Variants in RASA4B observed in about 807,000 individuals in gnomAD.
RASA4B encodes the protein ras GTPase-activating protein 4B.
In RASA4B, 2 loss-of-function variants were observed where a neutral mutation model predicts 24.2. The observed-to-expected ratio is 0.08, with a 90% CI of 0.03 to 0.26. RASA4B has a LOEUF of 0.26. RASA4B is among the 10% of genes least tolerant of loss of function. The pLI is 1.00. For missense variants in RASA4B, 8 were observed against 277.2 expected (o/e 0.03, Z 6.90); for synonymous variants, 2 against 125.6 (o/e 0.02, Z 6.58).
chr7:102,506,287 G>A (rs1242803454), intron 5 of RASA4B, among the ~76,000 whole-genome samples: 103 of 152,074 alleles, frequency 6.8e-4, no homozygotes, highest in Non-Finnish European at 9.9e-4. Flanking sequence ...AGTCTCGCTT[G>A]TCACCCAGGC....
intron 8 of RASA4B, among the ~76,000 whole-genome samples, chr7:102,500,449 G>A (rs1230762453): frequency 7.1e-6 from 1 of 140,524 alleles, no homozygotes; most frequent in African/African-American, 2.6e-5. Flanking sequence ...TCCAGCCTGG[G>A]GACAGAGTGA....
At chr7:102,504,695 A>AC (rs1586778952) in intron 5 of RASA4B, among the ~76,000 whole-genome samples, 2 of 103,388 alleles carry the variant, frequency 1.9e-5, no homozygotes, top group East Asian at 4.0e-4. Flanking sequence ...AAAAAAAAAA[A>AC]CCCACCAAAA....
intron 8 of RASA4B, among the ~76,000 whole-genome samples, chr7:102,499,193 A>ATAT (rs796973422): frequency 0.042 from 4,168 of 100,260 alleles, 37 homozygotes; most frequent in South Asian, 0.082. Flanking sequence ...TCAAAAAAAA[A>ATAT]ATATATATAT....
At chr7:102,489,654 G>A (rs1476683669) in intron 17 of RASA4B, among the ~76,000 whole-genome samples, 1,709 of 143,152 alleles carry the variant, frequency 0.012, 38 homozygotes, top group African/African-American at 0.02. Context: ...CACCACACCC[G>A]GCTACTTTTT....
intron 5 of RASA4B, among the ~76,000 whole-genome samples, chr7:102,504,082 G>A (rs372059955): frequency 0.086 from 10,275 of 119,250 alleles, 3 homozygotes; most frequent in Non-Finnish European, 0.13. Context: ...GATTACAGGC[G>A]TGAGCCACCG....
chr7:102,487,381 A>G (rs1403034708), intron 18 of RASA4B, among the ~76,000 whole-genome samples: 2 of 27,388 alleles, frequency 7.3e-5, no homozygotes, highest in African/African-American at 1.4e-4. Flanking sequence ...CTAGAGTACT[A>G]CACAGTATGG....
chr7:102,512,984 T>C (rs1455134789), intron 1 of RASA4B, among the ~76,000 whole-genome samples: 2 of 152,170 alleles, frequency 1.3e-5, no homozygotes, highest in Admixed American at 6.5e-5. Context: ...TGTTCCTCCT[T>C]TCTATGCCCT....
Position 102,480,061 on chromosome 7 carries a change from A to G in RASA4B, c.*3531T>C, listed in dbSNP as rs892148627. On this transcript the variant is annotated 3_prime_UTR_variant, in exon 21 of 21. Coordinates refer to ENST00000465829, the MANE Select transcript of RASA4B (RefSeq NM_001367767.2). ...AGGAAACACCAGGCCATACAGAGAT[A>G]GGAGCTGAGGGGACAATGAGGAGTG... Among the ~76,000 whole-genome samples the G allele has an allele frequency of 1.7e-3, 261 of 152,038 alleles. No individual in the cohort carries two copies. The highest frequency in any genetic ancestry group is 3.4e-3 in the Middle Eastern group (1 of 294).
At position 102,512,673 on chromosome 7, in the gene RASA4B, G is replaced by C. The variant is rs1799726063; in HGVS notation, c.66-692C>G. ...GGGGAGAGAGGGAGGAGAGTAAGAG[G>C]AAGGAGAGTAAGACAGAGGGGGAGA... On this transcript the variant is annotated intron_variant, in intron 1 of 20. Transcript: ENST00000465829. Among the ~76,000 whole-genome samples, 3 of 123,684 alleles carry C rather than the reference G, an allele frequency of 2.4e-5. No homozygotes were observed. The Admixed American group carries it at 2.5e-4, about 10-fold the overall frequency. The allele number at this position is 123,684 out of a possible 152,430, so 81.1% of individuals were successfully genotyped here.
rs1488211834 is a variant in RASA4B, at chr7:102,481,895, G to A, written c.*1697C>T. Among the ~76,000 whole-genome samples, 2 of 61,628 alleles carry A rather than the reference G, an allele frequency of 3.2e-5. No homozygotes were observed. Among genetic ancestry groups the A allele is most frequent in the Admixed American group, 2.0e-4 (1 of 5,044 alleles). The allele number at this position is 61,628 out of a possible 152,430, so 40.4% of individuals were successfully genotyped here. On this transcript the variant is annotated 3_prime_UTR_variant, in exon 21 of 21. Transcript: ENST00000465829. ...AAGGAATGAATGGATGCAGGCAGAC[G>A]TGAAAACAGCGCCCACCTGGAGAGC...
chr7:102,512,692 G>C (rs1254645113), intron 1 of RASA4B, among the ~76,000 whole-genome samples: 1 of 137,344 alleles, frequency 7.3e-6, no homozygotes, highest in Non-Finnish European at 1.6e-5. Context: ...TAAGACAGAG[G>C]GGGAGACTGA....
intron 6 of RASA4B, among the ~76,000 whole-genome samples, chr7:102,502,711 G>T (rs1799363728): frequency 1.6e-5 from 2 of 127,632 alleles, no homozygotes; most frequent in Non-Finnish European, 1.9e-5. Context: ...AGTGAGCTGA[G>T]ATCCAGCCAC....
chr7:102,510,517 T>TTTATTTTATG (rs1442744300), intron 2 of RASA4B, among the ~76,000 whole-genome samples: 1 of 138,606 alleles, frequency 7.2e-6, no homozygotes, highest in East Asian at 2.1e-4. Context: ...TTTATTTTAT[T>TTTATTTTATG]TTTTTGAGAC....
chr7:102,497,468 CT>C (rs1237844891), intron 8 of RASA4B, among the ~76,000 whole-genome samples: 1 of 152,266 alleles, frequency 6.6e-6, no homozygotes, highest in Non-Finnish European at 1.5e-5. Flanking sequence ...CCCACTGCCC[CT>C]GCTCAGCACA....
chr7:102,486,660 TTTTTTTTTTGTTTTTTTG>T (rs1798742350), intron 18 of RASA4B, among the ~76,000 whole-genome samples: 2 of 9,514 alleles, frequency 2.1e-4, no homozygotes, highest in African/African-American at 4.3e-4. Flanking sequence ...TCTTTTCTGT[TTTTTTTTTTGTTTTTTTG>T]TTTTTTTTTT....
In RASA4B at chr7:102,481,012, GATC is replaced by G. The variant is rs1392577637; in HGVS notation, c.*2577_*2579del. On this transcript the variant is annotated 3_prime_UTR_variant, in exon 21 of 21. Coordinates refer to ENST00000465829, the MANE Select transcript of RASA4B (RefSeq NM_001367767.2). ...CAAATTTCCAATTGCCTCATAAAAAGATCATTTCTTAACATTTTGTTTTGTTGC... is the reference window on the plus strand; with the variant it reads ...CAAATTTCCAATTGCCTCATAAAAAGATTTCTTAACATTTTGTTTTGTTGC... 1.1e-5 allele frequency among the ~76,000 whole-genome samples: 1 copy of G among 91,206 alleles called. No homozygotes were observed. Among genetic ancestry groups the G allele is most frequent in the African/African-American group, 3.1e-5 (1 of 32,246 alleles). The allele number at this position is 91,206 out of a possible 152,430, so 59.8% of individuals were successfully genotyped here.
At chr7:102,492,734 G>A (rs1235208900) in intron 16 of RASA4B, among the ~76,000 whole-genome samples, 15 of 76,550 alleles carry the variant, frequency 2.0e-4, no homozygotes, top group Non-Finnish European at 4.0e-4. Flanking sequence ...GCACGATCTC[G>A]GCTCACTGCA....
intron 5 of RASA4B, among the ~76,000 whole-genome samples, chr7:102,504,872 A>G (rs1799448015): frequency 7.1e-6 from 1 of 140,834 alleles, no homozygotes; most frequent in Admixed American, 7.4e-5. Flanking sequence ...GTGGTGGTGC[A>G]CACCTGTAAT....
chr7:102,497,302 A>G (rs1799184018), intron 8 of RASA4B, among the ~76,000 whole-genome samples: 1 of 151,588 alleles, frequency 6.6e-6, no homozygotes, highest in African/African-American at 2.4e-5. Context: ...TTACAGCAGA[A>G]GCAAATCCCC....
Sources: gnomAD v4.1 joint callset for allele counts (sites outside exome capture counted in the v4.1 genomes callset) on GRCh38, gnomAD v4.1.1 for gene constraint, MANE v1.5 for transcripts, NCBI Gene and HGNC (gene_info 2026-07-23, HGNC 2026-07-21) for gene names.